Variants in FLRT1 observed in about 807,000 individuals in gnomAD.
FLRT1 encodes leucine-rich repeat transmembrane protein FLRT1.
In FLRT1, 14 loss-of-function variants were observed where a neutral mutation model predicts 30.9. The ratio of observed to expected loss-of-function variants is 0.45; its 90% CI spans 0.30 to 0.71. The LOEUF (loss-of-function observed/expected upper bound fraction) is 0.71, where lower values mean the gene tolerates loss of function less well. FLRT1 is among the 30% of genes least tolerant of loss of function. FLRT1 has a pLI of 0.08. For synonymous variants in FLRT1, 368 were observed against 430.4 expected, an observed-to-expected ratio of 0.85 and a Z score of 1.80; for missense variants, 737 against 949.2, an observed-to-expected ratio of 0.78 and a Z score of 2.94.
At chr11:64,112,715 T>TG (rs1291134005) in intron 2 of FLRT1, among the ~76,000 whole-genome samples, 1 of 152,092 alleles carries the variant, frequency 6.6e-6, no homozygotes, top group Admixed American at 6.6e-5. Context: ...GCACAGCACT[T>TG]GCAAGGGCCC....
intron 1 of FLRT1, among the ~76,000 whole-genome samples, chr11:64,092,000 C>T (rs1436102055): frequency 8.5e-5 from 13 of 152,324 alleles, no homozygotes; most frequent in Admixed American, 6.5e-4. Flanking sequence ...GCGGGGCTGC[C>T]GGCCCTCTAT....
At chr11:64,098,788 G>A (rs974714811) in intron 1 of FLRT1, among the ~76,000 whole-genome samples, 6 of 152,200 alleles carry the variant, frequency 3.9e-5, no homozygotes, top group Non-Finnish European at 8.8e-5. Flanking sequence ...TTCCCAGGGA[G>A]GGGGCAGGCA....
intron 1 of FLRT1, among the ~76,000 whole-genome samples, chr11:64,097,026 G>A (rs774277115): frequency 2.6e-5 from 4 of 152,174 alleles, no homozygotes; most frequent in Non-Finnish European, 5.9e-5. Context: ...CACTCCAGGC[G>A]GATGAGAACT....
intron 1 of FLRT1, among the ~76,000 whole-genome samples, chr11:64,047,001 C>T (rs1943596349): frequency 6.6e-6 from 1 of 152,252 alleles, no homozygotes; most frequent in Admixed American, 6.5e-5. Context: ...TTCAGACCTT[C>T]CCAGCATGGC....
chr11:64,071,851 T>C (rs1944113347), intron 1 of FLRT1, among the ~76,000 whole-genome samples: 2 of 152,078 alleles, frequency 1.3e-5, no homozygotes, highest in South Asian at 4.1e-4. Context: ...CAGGCCAGGC[T>C]GTGGGCCGTG....
Position 64,082,085 on chromosome 11 carries a change from G to C in FLRT1, c.-1037-21109G>C, listed in dbSNP as rs952859547. ...CCTGGGCTGGGGCAGAGGGGCCGTG[G>C]CGAGAACAGATGGGGCTGTGCCCAT... On this transcript the variant is annotated intron_variant, in intron 1 of 2. Coordinates refer to ENST00000682287, the MANE Select transcript of FLRT1 (RefSeq NM_013280.5). This position sits in a 1 kb window ranked among gnomAD's most constrained non-coding sequence, Gnocchi z 4.5. 1.3e-5 allele frequency: 2 copies of C among 152,222 alleles called. No homozygotes were observed. Among genetic ancestry groups the C allele is most frequent in the Admixed American group, 6.5e-5 (1 of 15,282 alleles). The allele number at this position is 152,222 out of a possible 1,614,324, so 9.4% of individuals were successfully genotyped here. A position where few individuals can be genotyped will look rare whatever the true frequency, so the allele number is the denominator to read the frequency against.
At chr11:64,045,944 C>A (rs1943576690) in intron 1 of FLRT1, among the ~76,000 whole-genome samples, 1 of 152,184 alleles carries the variant, frequency 6.6e-6, no homozygotes, top group African/African-American at 2.4e-5. Context: ...AGCAGTGACA[C>A]TGGGTAACAT....
intron 1 of FLRT1, among the ~76,000 whole-genome samples, chr11:64,048,236 G>A (rs1490656112): frequency 1.3e-5 from 2 of 152,232 alleles, no homozygotes; most frequent in African/African-American, 4.8e-5. Flanking sequence ...AGCTCCCGCC[G>A]GCAGCTACTC....
intron 1 of FLRT1, among the ~76,000 whole-genome samples, chr11:64,048,413 C>G (rs1049915840): frequency 4.6e-5 from 7 of 152,304 alleles, no homozygotes; most frequent in Admixed American, 3.9e-4. Flanking sequence ...AGGGTCTGCC[C>G]TGGACCCTCC....
intron 1 of FLRT1, among the ~76,000 whole-genome samples, chr11:64,049,066 G>A (rs112415305): frequency 2.0e-5 from 3 of 152,344 alleles, no homozygotes; most frequent in African/African-American, 7.2e-5. Flanking sequence ...TGTCCTTCAG[G>A]GGGTGGGGCC....
At chr11:64,038,750 ATATCAACCACC>A (rs1192360058) in intron 1 of FLRT1, among the ~76,000 whole-genome samples, 2 of 152,110 alleles carry the variant, frequency 1.3e-5, no homozygotes, top group African/African-American at 4.8e-5. Context: ...TCTGGAAATG[ATATCAACCACC>A]TAGTCATCCC....
chr11:64,045,375 G>T (rs1590832457), intron 1 of FLRT1, among the ~76,000 whole-genome samples: 1 of 113,786 alleles, frequency 8.8e-6, no homozygotes, highest in African/African-American at 2.7e-5. Context: ...CTGCTCCGCC[G>T]GGACCTGGGC....
At chr11:64,048,034 A>G (rs554299280) in intron 1 of FLRT1, among the ~76,000 whole-genome samples, 1 of 152,100 alleles carries the variant, frequency 6.6e-6, no homozygotes, top group Admixed American at 6.5e-5. Context: ...CAGAGTGGGG[A>G]TGCTGGCAGG....
chr11:64,045,567 G>A (rs1465897359), intron 1 of FLRT1, among the ~76,000 whole-genome samples: 1 of 152,166 alleles, frequency 6.6e-6, no homozygotes, highest in Non-Finnish European at 1.5e-5. Context: ...TGGTAGGTAG[G>A]GGGTGAGGGT....
intron 1 of FLRT1, among the ~76,000 whole-genome samples, chr11:64,072,109 G>A (rs922526188): frequency 2.6e-4 from 39 of 152,342 alleles, no homozygotes; most frequent in African/African-American, 8.7e-4. Flanking sequence ...ACTCATAACC[G>A]CTGGGGCCTG....
At chr11:64,068,321 C>T (rs963811105) in intron 1 of FLRT1, among the ~76,000 whole-genome samples, 5 of 152,238 alleles carry the variant, frequency 3.3e-5, no homozygotes, top group East Asian at 1.9e-4. Context: ...CCCACTCTTC[C>T]GCCTTTGGGG....
intron 1 of FLRT1, among the ~76,000 whole-genome samples, chr11:64,062,503 GCCT>G (rs1403200833): frequency 1.3e-5 from 2 of 152,210 alleles, no homozygotes; most frequent in Non-Finnish European, 2.9e-5. Context: ...ATCTGGCGCA[GCCT>G]CCTCCTGCAC....
Position 64,117,212 on chromosome 11 carries a change from C to T in FLRT1, c.945C>T (p.Asp315=), listed in dbSNP as rs151215662. 83 of 1,614,164 alleles carry T rather than the reference C, an allele frequency of 5.1e-5. No individual in the cohort carries two copies. In the Middle Eastern group the frequency reaches 2.0e-3, roughly 39 times the overall value. The change falls in exon 3 of 3, where the codon GAC becomes GAT. Residue 315 remains aspartate, a synonymous_variant. Coordinates refer to ENST00000682287, the MANE Select transcript of FLRT1 (RefSeq NM_013280.5). ...CCACGCTGCCCCGCGGCCTGTTCGA[C>T]GACCTGGGGAACCTGGCCCAGCTGC... is the stretch of plus-strand genomic sequence containing the variant. The part of the protein sequence containing the change: ...NLTTLPRGLF[D]DLGNLAQLLL...
intron 2 of FLRT1, among the ~76,000 whole-genome samples, chr11:64,114,949 A>C (rs1344767680): frequency 6.6e-6 from 1 of 152,174 alleles, no homozygotes; most frequent in African/African-American, 2.4e-5. Flanking sequence ...AAGGACAGAG[A>C]AGACAGAAAG....
Sources: allele counts gnomAD v4.1 joint callset (sites outside exome capture counted in the v4.1 genomes callset), GRCh38; gene constraint gnomAD v4.1.1; non-coding constraint Gnocchi (gnomAD v3.1); transcripts MANE v1.5; gene names NCBI Gene and HGNC (gene_info 2026-07-23, HGNC 2026-07-21).